The following DAB1 variants were observed in gnomAD, a reference collection of about 807,000 sequenced individuals.
DAB1 encodes the protein DAB adaptor protein 1, also known as disabled homolog 1.
Under a neutral mutation model 64.6 loss-of-function variants are expected in DAB1, and 15 were observed. The observed-to-expected ratio is 0.23, with a 90% CI of 0.16 to 0.36. DAB1 has a LOEUF of 0.36. Among genes scored for constraint, DAB1 ranks in the 10% least tolerant of loss-of-function variants. The probability of loss-of-function intolerance (pLI) is 1.00; values close to 1 mark genes in which losing one functional copy is unlikely to be tolerated. For missense variants in DAB1, 596 were observed against 706.7 expected (o/e 0.84, Z 1.78); for synonymous variants, 235 against 251.9 (o/e 0.93, Z 0.64).
At chr1:58,477,052 G>C (rs79804389) in intron 3 of DAB1, among the ~76,000 whole-genome samples, 4,204 of 152,252 alleles carry the variant, frequency 0.028, 98 homozygotes, top group Non-Finnish European at 0.041. Context: ...AAGAACACTG[G>C]ATTACAAATC....
intron 7 of DAB1, among the ~76,000 whole-genome samples, chr1:57,574,838 C>T (rs537180902): frequency 2.6e-5 from 4 of 152,294 alleles, no homozygotes; most frequent in African/African-American, 9.6e-5. Context: ...GGATCAGGGC[C>T]TCCTGGGTAG....
intron 1 of DAB1, among the ~76,000 whole-genome samples, chr1:57,355,359 CCCTT>C (rs1436492564): frequency 2.0e-5 from 3 of 151,458 alleles, no homozygotes; most frequent in South Asian, 2.1e-4. Context: ...TTCCTTCCTT[CCCTT>C]CCTTCCTTCG....
At position 58,138,966 on chromosome 1, in the gene DAB1, G is replaced by A. The variant is rs1231042988; in HGVS notation, n.387+11545C>T. 4.6e-5 allele frequency among the ~76,000 whole-genome samples: 7 copies of A among 152,124 alleles called. 1 individual carries two copies. Among genetic ancestry groups the A allele is most frequent in the Non-Finnish European group, 1.0e-4 (7 of 68,014 alleles). On this transcript the variant is annotated intron_variant and non_coding_transcript_variant, in intron 5 of 20. Coordinates refer to the DAB1 transcript ENST00000485760. Reference sequence around the variant, plus strand: ...TGGGTGGGTTGATAGATGAAGAGATGGTTACTTGTGCTTGGGCTGGTCCTT... The same window carrying A: ...TGGGTGGGTTGATAGATGAAGAGATAGTTACTTGTGCTTGGGCTGGTCCTT...
intron 2 of DAB1, among the ~76,000 whole-genome samples, chr1:57,272,560 T>C (rs751126834): frequency 6.6e-6 from 1 of 152,168 alleles, no homozygotes; most frequent in Non-Finnish European, 1.5e-5. Flanking sequence ...GAGAGATGGG[T>C]CCTATCACTC....
chr1:58,406,718 C>CA (rs762605199), intron 3 of DAB1, among the ~76,000 whole-genome samples: 2 of 89,500 alleles, frequency 2.2e-5, no homozygotes, highest in African/African-American at 9.7e-5. Flanking sequence ...ATCCCCCCCC[C>CA]CCAACTGCCA....
intron 6 of DAB1, among the ~76,000 whole-genome samples, chr1:57,694,404 T>C (rs1266080639): frequency 6.6e-6 from 1 of 152,008 alleles, no homozygotes; most frequent in Non-Finnish European, 1.5e-5. Context: ...CGAGAATATA[T>C]ATTGGGGAGA....
chr1:58,052,017 T>G (rs2100530101), intron 5 of DAB1, among the ~76,000 whole-genome samples: 1 of 152,352 alleles, frequency 6.6e-6, no homozygotes, highest in Admixed American at 6.5e-5. Context: ...TGATGGTAGT[T>G]TCTTTTGCCG....
intron 5 of DAB1, among the ~76,000 whole-genome samples, chr1:58,117,864 T>A (rs879536961): frequency 1.9e-4 from 29 of 151,872 alleles, no homozygotes; most frequent in East Asian, 5.8e-4. Context: ...ATATTTTTTT[T>A]AATATTTTTT....
intron 6 of DAB1, among the ~76,000 whole-genome samples, chr1:57,763,140 C>T (rs1273641084): frequency 6.6e-6 from 1 of 152,216 alleles, no homozygotes; most frequent in Non-Finnish European, 1.5e-5. Context: ...CCAAATTTCT[C>T]TTCATTGTAT....
intron 7 of DAB1, among the ~76,000 whole-genome samples, chr1:57,460,822 T>C (rs1686756805): frequency 6.6e-6 from 1 of 152,138 alleles, no homozygotes; most frequent in Non-Finnish European, 1.5e-5. Flanking sequence ...AGTTCCCACA[T>C]GTGGCCAGAA....
chr1:57,214,910 C>CAAAAAAAAAAAA (rs56175448), intron 2 of DAB1, among the ~76,000 whole-genome samples: 2 of 58,682 alleles, frequency 3.4e-5, no homozygotes, highest in African/African-American at 7.1e-5. Context: ...GATTCCCTCT[C>CAAAAAAAAAAAA]AAAAAAAAAA....
At chr1:58,274,710 T>G (rs369994153) in intron 4 of DAB1, among the ~76,000 whole-genome samples, 14 of 152,148 alleles carry the variant, frequency 9.2e-5, no homozygotes, top group African/African-American at 3.4e-4. Flanking sequence ...ATCTCGTGGT[T>G]CGCCGCTTTT....
intron 1 of DAB1, among the ~76,000 whole-genome samples, chr1:57,408,186 G>A (rs1422853091): frequency 6.6e-6 from 1 of 152,118 alleles, no homozygotes; most frequent in East Asian, 1.9e-4. Flanking sequence ...CTAGCACATC[G>A]TGTTTCCATT....
At chr1:58,074,269 T>C (rs1305845840) in intron 5 of DAB1, 2 of 151,974 alleles carry the variant, frequency 1.3e-5, no homozygotes, top group Non-Finnish European at 2.9e-5. Flanking sequence ...TCTGTGGTCA[T>C]TGGGTACCTA....
chr1:58,243,912 C>T lies in DAB1; in HGVS notation n.310-93324G>A, dbSNP rs1215228669. On this transcript the variant is annotated intron_variant and non_coding_transcript_variant, in intron 4 of 20. Coordinates refer to the DAB1 transcript ENST00000485760. The stretch of plus-strand genomic sequence containing the variant: ...TACTATGTCTTTTTAGACAATTATC[C>T]TTCTGTGCATAGGGTTGACAATGAA... Among the ~76,000 whole-genome samples, 7 of 151,908 alleles carry T rather than the reference C, an allele frequency of 4.6e-5. No homozygotes were observed. In the South Asian group the frequency reaches 1.5e-3, roughly 31 times the overall value.
At chr1:57,362,938 C>A (rs945411237) in intron 1 of DAB1, among the ~76,000 whole-genome samples, 1 of 151,928 alleles carries the variant, frequency 6.6e-6, no homozygotes, top group African/African-American at 2.4e-5. Context: ...TCTCTTGAAA[C>A]CTTTCCATGA....
At chr1:58,097,164 T>C (rs1339428116) in intron 5 of DAB1, among the ~76,000 whole-genome samples, 4 of 152,242 alleles carry the variant, frequency 2.6e-5, no homozygotes, top group Admixed American at 6.5e-5. Flanking sequence ...TATCAACATA[T>C]TGAATCTCCA....
chr1:57,914,585 A>G (rs1180433393), intron 5 of DAB1, among the ~76,000 whole-genome samples: 1 of 152,232 alleles, frequency 6.6e-6, no homozygotes, highest in Non-Finnish European at 1.5e-5. Flanking sequence ...AACAAAAAAA[A>G]GAATCCTATG....
chr1:57,636,609 G>C (rs1402264477), intron 7 of DAB1, among the ~76,000 whole-genome samples: 1 of 152,204 alleles, frequency 6.6e-6, no homozygotes, highest in Non-Finnish European at 1.5e-5. Context: ...CCTGAATGCA[G>C]TTTGCAGGTA....
Sources: gnomAD v4.1 joint callset for allele counts (sites outside exome capture counted in the v4.1 genomes callset) on GRCh38, gnomAD v4.1.1 for gene constraint, MANE v1.5 for transcripts, NCBI Gene and HGNC (gene_info 2026-07-23, HGNC 2026-07-21) for gene names.